BRD1: variants seen among roughly 807,000 people sequenced by gnomAD.
The protein encoded by BRD1 is bromodomain-containing protein 1.
In BRD1, 24 loss-of-function variants were observed where a neutral mutation model predicts 107.7. The observed-to-expected ratio is 0.22, with a 90% CI of 0.16 to 0.31. The LOEUF (loss-of-function observed/expected upper bound fraction) is 0.31. Ranked by LOEUF, BRD1 falls within the 10% of genes least tolerant of loss-of-function variation. BRD1 has a pLI of 1.00. For missense variants in BRD1, 1,279 were observed against 1,638.6 expected (o/e 0.78, Z 3.79); for synonymous variants, 744 against 686.1 (o/e 1.08, Z -1.32).
At chr22:49,786,791 C>A (rs2147032972) in intron 8 of BRD1, among the ~76,000 whole-genome samples, 1 of 152,264 alleles carries the variant, frequency 6.6e-6, no homozygotes, top group Non-Finnish European at 1.5e-5. Context: ...AAAACTACAC[C>A]TGAATTCATT....
chr22:49,827,030 A>C (rs2060154146), intron 1 of BRD1, among the ~76,000 whole-genome samples: 1 of 150,962 alleles, frequency 6.6e-6, no homozygotes, highest in Admixed American at 6.6e-5. Context: ...CTCCTGGGCG[A>C]TCTCGGGGCG....
At chr22:49,797,348 G>A (rs140093471) in intron 6 of BRD1, among the ~76,000 whole-genome samples, 3 of 152,208 alleles carry the variant, frequency 2.0e-5, no homozygotes, top group African/African-American at 7.2e-5. Context: ...GCCACCCTCA[G>A]AAGTTAGCCG....
intron 2 of BRD1, among the ~76,000 whole-genome samples, chr22:49,816,258 A>T (rs552256024): frequency 6.6e-6 from 1 of 152,184 alleles, no homozygotes; most frequent in Non-Finnish European, 1.5e-5. Flanking sequence ...GCTGAGGACC[A>T]CTTGGGCCCA....
At position 49,823,944 on chromosome 22, in the gene BRD1, A is replaced by G; in HGVS notation, c.374T>C (p.Val125Ala). ...GGGGGCGGACGGAGGGCTGTACTCC[A>G]CGATGCGCACCTTGGGCTCCGGGAG... ...SALPEPKVRI[V>A]EYSPPSAPRR... The change falls in exon 2 of 13, where the codon GTG becomes GCG. Residue 125 changes from valine to alanine, a missense_variant. Around this residue, in one of 7 missense-constraint regions of BRD1, gnomAD observed 223 missense variants for 263.5 expected, o/e 0.85. Transcript: ENST00000404760. The G allele has an allele frequency of 6.2e-7, 1 of 1,614,132 alleles. No homozygotes were observed. Among genetic ancestry groups the G allele is most frequent in the Non-Finnish European group, 8.5e-7 (1 of 1,180,016 alleles).
At chr22:49,805,019 G>A (rs117840108) in intron 2 of BRD1, among the ~76,000 whole-genome samples, 38 of 152,218 alleles carry the variant, frequency 2.5e-4, no homozygotes, top group Non-Finnish European at 4.7e-4. Context: ...CTGTGTCAGC[G>A]GGCCCAAAAC....
chr22:49,783,778 G>A lies in BRD1; in HGVS notation c.2857+3612C>T, dbSNP rs1302294175. On this transcript the variant is annotated intron_variant, in intron 8 of 12. Transcript: ENST00000404760. The surrounding 1 kb of genome is among the most constrained non-coding windows in gnomAD (Gnocchi z 4.2). Reference sequence around the variant, plus strand: ...GGTGGGGGAGAGCTCCTCCAGGGCTGCTGTTTGTGATTTTGTCTAGAGGAT... The same window carrying A: ...GGTGGGGGAGAGCTCCTCCAGGGCTACTGTTTGTGATTTTGTCTAGAGGAT... 6.6e-6 allele frequency among the ~76,000 whole-genome samples: 1 copy of A among 152,238 alleles called. No homozygotes were observed. Among genetic ancestry groups the A allele is most frequent in the Non-Finnish European group, 1.5e-5 (1 of 68,042 alleles).
intron 7 of BRD1, among the ~76,000 whole-genome samples, chr22:49,791,255 C>T (rs9627767): frequency 3.3e-5 from 5 of 152,334 alleles, no homozygotes; most frequent in Middle Eastern, 3.4e-3. Context: ...GTCGCGGCTA[C>T]GGCAGAGCCT....
At position 49,777,658 on chromosome 22, in the gene BRD1, C is replaced by A; in HGVS notation, c.2993+20G>T. 1 of 1,597,910 alleles carries A rather than the reference C, an allele frequency of 6.3e-7. No individual in the cohort carries two copies. Among genetic ancestry groups the A allele is most frequent in the Non-Finnish European group, 8.5e-7 (1 of 1,174,730 alleles). On this transcript the variant is annotated intron_variant, in intron 9 of 12. Transcript: ENST00000404760. ...GTGCTGGGAGCTGCGTGGTGGGAAG[C>A]GCAGGGCCGCGGTGCCCACCTCGAG...
At chr22:49,798,526 C>G (rs6009878) in intron 5 of BRD1, 32 bp downstream of exon 5, 3 of 1,613,982 alleles carry the variant, frequency 1.9e-6, no homozygotes, top group Non-Finnish European at 2.5e-6. Context: ...GTCACACATG[C>G]GGCAGGACAG....
rs375440173 is a variant in BRD1 at position 49,777,074 on chromosome 22, G to A, written c.3081C>T (p.Ile1027=). 23 of 1,613,326 alleles carry A rather than the reference G, an allele frequency of 1.4e-5. No homozygotes were observed. Among genetic ancestry groups the A allele is most frequent in the African/African-American group, 6.7e-5 (5 of 75,078 alleles). Residue 1027 remains isoleucine (I), a synonymous_variant, in exon 10 of 13, where the codon ATC becomes ATT. Transcript: ENST00000404760. The part of the protein sequence containing the change: ...LEDRSELISC[I]ENGNYAKAAR... ...CCGCCTTGGCGTAGTTCCCATTCTC[G>A]ATGCAGGAGATCAGCTCACTGCGGT... is the stretch of plus-strand genomic sequence containing the variant.
intron 11 of BRD1, 122 bp from the exon 12 acceptor site, chr22:49,775,867 A>ACGCCCCCCT: frequency 6.8e-6 from 5 of 732,074 alleles, no homozygotes; most frequent in Non-Finnish European, 8.4e-6. Flanking sequence ...GACCACCCCC[A>ACGCCCCCCT]CGCCCCCCTC....
chr22:49,784,329 C>T (rs2059278932), intron 8 of BRD1, among the ~76,000 whole-genome samples: 1 of 143,290 alleles, frequency 7.0e-6, no homozygotes, highest in African/African-American at 2.6e-5. Flanking sequence ...CACGCTCTCA[C>T]ACGCCCCAGC....
At chr22:49,795,312 C>A (rs1254294328) in intron 6 of BRD1, among the ~76,000 whole-genome samples, 1 of 152,210 alleles carries the variant, frequency 6.6e-6, no homozygotes, top group Non-Finnish European at 1.5e-5. Flanking sequence ...TGGGAGGTGT[C>A]GGCCGTGCTG....
chr22:49,777,306 G>A (rs1367023838), intron 9 of BRD1, 145 bp from the exon 10 acceptor site: 20 of 1,308,804 alleles, frequency 1.5e-5, no homozygotes, highest in Non-Finnish European at 2.1e-5. Context: ...TGGGTGCGCA[G>A]GTCTGGAGGG....
At chr22:49,804,603 C>T (rs1260457821) in intron 2 of BRD1, among the ~76,000 whole-genome samples, 2 of 152,202 alleles carry the variant, frequency 1.3e-5, no homozygotes, top group Admixed American at 1.3e-4. Context: ...AATCCCAGCA[C>T]TTTGGGAGGC....
intron 6 of BRD1, among the ~76,000 whole-genome samples, chr22:49,796,592 A>AAGTG (rs1256887998): frequency 6.6e-6 from 1 of 150,852 alleles, no homozygotes; most frequent in Non-Finnish European, 1.5e-5. Context: ...TCCCGACCTC[A>AAGTG]AGTGATCCAC....
At position 49,824,523 on chromosome 22, in the gene BRD1, G is replaced by A. The variant is rs961981842; in HGVS notation, c.-14-192C>T. 6 of 1,409,236 alleles carry A rather than the reference G, an allele frequency of 4.3e-6. No individual in the cohort carries two copies. The African/African-American group carries it at 5.8e-5, about 14-fold the overall frequency. 87.3% of individuals were successfully genotyped at this position (1,409,236 alleles called of 1,614,324 possible). A position where few individuals can be genotyped will look rare whatever the true frequency, so the allele number is the denominator to read the frequency against. ...TGAGCGAGTCCCCAGGACCAGGGAG[G>A]GAGCAGCAGTAACAGGCAGAGAGGC... On this transcript the variant is annotated intron_variant, in intron 1 of 12. Transcript: ENST00000404760. This position sits in a 1 kb window ranked among gnomAD's most constrained non-coding sequence, Gnocchi z 5.9.
At chr22:49,775,930 G>GC (rs916537024) in intron 11 of BRD1, 120 bp downstream of exon 11, 106 of 756,984 alleles carry the variant, frequency 1.4e-4, no homozygotes, top group South Asian at 1.3e-3. Flanking sequence ...GACCAACCCC[G>GC]CCCCCCCGCC....
At chr22:49,826,848 G>C (rs936545503) in intron 1 of BRD1, among the ~76,000 whole-genome samples, 21 of 152,340 alleles carry the variant, frequency 1.4e-4, no homozygotes, top group African/African-American at 5.0e-4. Context: ...CGGATTCTCA[G>C]AACTCCCGCG....
Sources: allele counts gnomAD v4.1 joint callset (sites outside exome capture counted in the v4.1 genomes callset), GRCh38; gene constraint gnomAD v4.1.1; regional missense constraint gnomAD v4.1.1; non-coding constraint Gnocchi (gnomAD v3.1); transcripts MANE v1.5; gene names NCBI Gene and HGNC (gene_info 2026-07-23, HGNC 2026-07-21).